The following COL25A1 variants were observed in gnomAD, a reference collection of about 807,000 sequenced individuals.
COL25A1 encodes collagen type XXV alpha 1 chain.
COL25A1 carries 103 observed loss-of-function variants against 128.4 expected under a neutral mutation model. The ratio of observed to expected loss-of-function variants is 0.80; its 90% CI spans 0.68 to 0.94. COL25A1 has a LOEUF of 0.94. COL25A1 is among the 40% of genes least tolerant of loss of function. COL25A1 has a pLI of 0.00. For missense variants in COL25A1, 745 were observed against 840.0 expected (o/e 0.89, Z 1.40); for synonymous variants, 279 against 277.2 (o/e 1.01, Z -0.06).
chr4:109,173,399 A>G (rs1055601126), intron 3 of COL25A1, among the ~76,000 whole-genome samples: 2 of 152,168 alleles, frequency 1.3e-5, no homozygotes, highest in Non-Finnish European at 2.9e-5. Flanking sequence ...ATACTTCCTG[A>G]TGAATTAAAT....
chr4:109,219,797 T>C (rs928032242), intron 3 of COL25A1, among the ~76,000 whole-genome samples: 1 of 152,298 alleles, frequency 6.6e-6, no homozygotes, highest in Non-Finnish European at 1.5e-5. Context: ...ACCTTCTATA[T>C]GACAATATAA....
At chr4:108,879,084 A>T (rs1004340784) in intron 19 of COL25A1, among the ~76,000 whole-genome samples, 5 of 152,220 alleles carry the variant, frequency 3.3e-5, no homozygotes, top group African/African-American at 1.2e-4. Context: ...AGCTTCTATT[A>T]GATTACTGAG....
Position 109,028,674 on chromosome 4 carries a change from C to T in COL25A1, c.421-18299G>A, listed in dbSNP as rs922892076. Among the ~76,000 whole-genome samples the T allele has an allele frequency of 4.0e-5, 6 of 151,572 alleles. No homozygotes were observed. In the South Asian group the frequency reaches 8.4e-4, roughly 21 times the overall value. The stretch of plus-strand genomic sequence containing the variant: ...CCAGGAGGCGGAGGTTGCAGGGGGC[C>T]GAGATTGTACCACTGCACTCCAGCC... On this transcript the variant is annotated intron_variant, in intron 5 of 37. Transcript: ENST00000399132.
chr4:109,252,404 T>C (rs1043394964), intron 3 of COL25A1, among the ~76,000 whole-genome samples: 1 of 152,208 alleles, frequency 6.6e-6, no homozygotes, highest in African/African-American at 2.4e-5. Context: ...CCTCCATCCC[T>C]GCCACAGTGG....
chr4:108,912,840 T>C (rs540455179), intron 13 of COL25A1, among the ~76,000 whole-genome samples: 1 of 152,154 alleles, frequency 6.6e-6, no homozygotes, highest in Non-Finnish European at 1.5e-5. Flanking sequence ...TGAAGATTAA[T>C]GTCAGTGAAG....
At chr4:109,010,982 C>T (rs1756528473) in intron 5 of COL25A1, among the ~76,000 whole-genome samples, 1 of 152,228 alleles carries the variant, frequency 6.6e-6, no homozygotes, top group Admixed American at 6.5e-5. Flanking sequence ...TAACTCTTCA[C>T]ACAGTCAATG....
At chr4:108,987,457 C>CA (rs1753765751) in intron 6 of COL25A1, among the ~76,000 whole-genome samples, 1 of 151,970 alleles carries the variant, frequency 6.6e-6, no homozygotes. Context: ...CTCACTGCAA[C>CA]CTCCGCCTCC....
intron 3 of COL25A1, among the ~76,000 whole-genome samples, chr4:109,152,662 G>A (rs942560349): frequency 4.6e-5 from 7 of 152,170 alleles, no homozygotes; most frequent in African/African-American, 1.7e-4. Context: ...TGGTATATAC[G>A]TACAATGGAA....
chr4:109,030,681 A>G (rs1304786655), intron 5 of COL25A1, among the ~76,000 whole-genome samples: 1 of 152,206 alleles, frequency 6.6e-6, no homozygotes, highest in Non-Finnish European at 1.5e-5. Context: ...CAACATGGAC[A>G]TATTAAAGTC....
At chr4:108,941,924 A>C (rs536034325) in intron 8 of COL25A1, among the ~76,000 whole-genome samples, 21 of 152,328 alleles carry the variant, frequency 1.4e-4, no homozygotes, top group African/African-American at 5.1e-4. Context: ...AGAGCATTAG[A>C]ATGCTTGTAA....
At chr4:109,012,622 C>T (rs1026944873) in intron 5 of COL25A1, among the ~76,000 whole-genome samples, 3 of 152,136 alleles carry the variant, frequency 2.0e-5, no homozygotes, top group African/African-American at 7.2e-5. Context: ...AGCACCTGGG[C>T]CAGCAGCTGC....
At chr4:109,239,388 GTGTGTGTATATA>G (rs1269291193) in intron 3 of COL25A1, among the ~76,000 whole-genome samples, 37 of 90,176 alleles carry the variant, frequency 4.1e-4, no homozygotes, top group African/African-American at 1.5e-3. Context: ...GTGTGTGTGT[GTGTGTGTATATA>G]TATATATATA....
intron 3 of COL25A1, among the ~76,000 whole-genome samples, chr4:109,060,548 C>A (rs1451256412): frequency 6.6e-6 from 1 of 152,124 alleles, no homozygotes; most frequent in Non-Finnish European, 1.5e-5. Flanking sequence ...ACATGTCTGG[C>A]ACAGAGTAAA....
intron 3 of COL25A1, among the ~76,000 whole-genome samples, chr4:109,083,740 C>T (rs1316754786): frequency 2.0e-5 from 3 of 152,112 alleles, no homozygotes; most frequent in Non-Finnish European, 2.9e-5. Flanking sequence ...GCTGGGATTA[C>T]AGGCGTGAGC....
chr4:109,251,118 T>C (rs1007867936), intron 3 of COL25A1, among the ~76,000 whole-genome samples: 1 of 152,158 alleles, frequency 6.6e-6, no homozygotes, highest in Admixed American at 6.5e-5. Context: ...AATAAGGGAA[T>C]AAGGGAAGAA....
intron 5 of COL25A1, among the ~76,000 whole-genome samples, chr4:109,046,671 T>C (rs1355786513): frequency 1.3e-5 from 2 of 152,168 alleles, no homozygotes; most frequent in Admixed American, 6.5e-5. Context: ...ATTTCTAACA[T>C]GATTAATGTT....
rs183967521 is a variant in COL25A1 at position 108,810,038 on chromosome 4, T to C, written c.*3889A>G. 2.6e-5 allele frequency: 4 copies of C among 152,078 alleles called. No individual in the cohort carries two copies. The highest frequency in any genetic ancestry group is 2.6e-4 in the Admixed American group (4 of 15,276). 9.4% of individuals were successfully genotyped at this position (152,078 alleles called of 1,614,324 possible). ...ATTAGGAAGTAAGAAAAAACAAGATTTCAAATATTAGCATCTGTATGTTGC... is the reference window on the plus strand; with the variant it reads ...ATTAGGAAGTAAGAAAAAACAAGATCTCAAATATTAGCATCTGTATGTTGC... On this transcript the variant is annotated 3_prime_UTR_variant, in exon 38 of 38. Coordinates refer to ENST00000399132, the MANE Select transcript of COL25A1 (RefSeq NM_198721.4).
intron 3 of COL25A1, among the ~76,000 whole-genome samples, chr4:109,292,484 T>C (rs1724566237): frequency 6.6e-6 from 1 of 151,974 alleles, no homozygotes; most frequent in South Asian, 2.1e-4. Context: ...CATCTTGCTG[T>C]TTTACAGAGA....
chr4:108,855,200 T>TTTG lies in COL25A1; in HGVS notation c.1321-2276_1321-2275insCAA, dbSNP rs1261921714. Among the ~76,000 whole-genome samples, 5 of 148,774 alleles carry TTTG rather than the reference T, an allele frequency of 3.4e-5. 1 individual carries two copies. The highest frequency in any genetic ancestry group is 4.9e-5 in the African/African-American group (2 of 40,964). On this transcript the variant is annotated intron_variant, in intron 24 of 37. Coordinates refer to ENST00000399132, the MANE Select transcript of COL25A1 (RefSeq NM_198721.4). The stretch of plus-strand genomic sequence containing the variant: ...TTGAGCTGTTGTTACTGTTTTTTTT[T>TTTG]TTTATTTTTTAAATTGTTGTAAAAG...
Sources: gnomAD v4.1 joint callset for allele counts (sites outside exome capture counted in the v4.1 genomes callset) on GRCh38, gnomAD v4.1.1 for gene constraint, MANE v1.5 for transcripts, NCBI Gene and HGNC (gene_info 2026-07-23, HGNC 2026-07-21) for gene names.